DPP10: variants seen among roughly 807,000 people sequenced by gnomAD.
DPP10 encodes inactive dipeptidyl peptidase 10.
DPP10 carries 33 observed loss-of-function variants against 120.9 expected under a neutral mutation model. The observed-to-expected ratio is 0.27, with a 90% CI of 0.21 to 0.37. The LOEUF (loss-of-function observed/expected upper bound fraction) is 0.37. Ranked by LOEUF, DPP10 falls within the 10% of genes least tolerant of loss-of-function variation. The pLI is 1.00. For missense variants in DPP10, 816 were observed against 942.8 expected, an observed-to-expected ratio of 0.87 and a Z score of 1.76; for synonymous variants, 337 against 326.1, an observed-to-expected ratio of 1.03 and a Z score of -0.36.
intron 1 of DPP10, among the ~76,000 whole-genome samples, chr2:114,964,816 T>C (rs1050362687): frequency 2.9e-4 from 44 of 152,130 alleles, no homozygotes; most frequent in Admixed American, 3.9e-4. Context: ...GTTTGTTACA[T>C]TGAGAATAGA....
At chr2:115,495,992 A>G (rs1558756227) in intron 3 of DPP10, among the ~76,000 whole-genome samples, 1 of 152,144 alleles carries the variant, frequency 6.6e-6, no homozygotes, top group African/African-American at 2.4e-5. Context: ...CTCATATTTG[A>G]TTACTTAAAG....
chr2:115,688,692 T>C (rs62157937), intron 5 of DPP10, among the ~76,000 whole-genome samples: 11,788 of 152,246 alleles, frequency 0.077, 650 homozygotes, highest in Non-Finnish European at 0.11. Context: ...TATTCCACTA[T>C]TTCATCATCT....
chr2:115,495,703 G>A (rs2076359795), intron 3 of DPP10, among the ~76,000 whole-genome samples: 1 of 152,112 alleles, frequency 6.6e-6, no homozygotes, highest in South Asian at 2.1e-4. Context: ...AGTAATGATA[G>A]TTAGGGTTAC....
chr2:115,753,758 T>C (rs1006254331), intron 11 of DPP10, among the ~76,000 whole-genome samples: 3 of 152,196 alleles, frequency 2.0e-5, no homozygotes, highest in Non-Finnish European at 4.4e-5. Context: ...AATTGGTTCA[T>C]GAACTACTCT....
intron 1 of DPP10, among the ~76,000 whole-genome samples, chr2:114,809,618 A>C (rs1355772952): frequency 6.6e-6 from 1 of 152,118 alleles, no homozygotes; most frequent in Non-Finnish European, 1.5e-5. Context: ...GGAACTTCTG[A>C]GAGGAAGCCA....
intron 1 of DPP10, among the ~76,000 whole-genome samples, chr2:114,785,112 C>A (rs1052174111): frequency 2.0e-5 from 3 of 152,150 alleles, no homozygotes; most frequent in Non-Finnish European, 4.4e-5. Context: ...GAAGGATGTG[C>A]ACGGCTGAAC....
At chr2:114,755,619 T>C (rs1335051755) in intron 1 of DPP10, among the ~76,000 whole-genome samples, 1 of 152,164 alleles carries the variant, frequency 6.6e-6, no homozygotes, top group Non-Finnish European at 1.5e-5. Context: ...GTGTGTGTTT[T>C]GTGAGGTGTT....
chr2:114,952,336 C>T (rs1169387880), intron 1 of DPP10, among the ~76,000 whole-genome samples: 4 of 152,092 alleles, frequency 2.6e-5, no homozygotes, highest in African/African-American at 9.7e-5. Context: ...TTCAACAATG[C>T]TTTCCCATGC....
intron 10 of DPP10, among the ~76,000 whole-genome samples, chr2:115,752,892 G>A (rs1678928900): frequency 6.6e-6 from 1 of 151,904 alleles, no homozygotes; most frequent in Non-Finnish European, 1.5e-5. Flanking sequence ...ACTTTTCTGG[G>A]AAATAATTCA....
chr2:115,373,169 A>C lies in DPP10; in HGVS notation c.271+29257A>C, dbSNP rs961304706. Among the ~76,000 whole-genome samples, 6 of 152,202 alleles carry C rather than the reference A, an allele frequency of 3.9e-5. No individual in the cohort carries two copies. The East Asian group carries it at 1.2e-3, about 29-fold the overall frequency. ...AAGTAGAAGCAATAGCTCTTTAGTA[A>C]ATATGCATTCAGTGCTTGTCTCTTA... On this transcript the variant is annotated intron_variant, in intron 3 of 25. Coordinates refer to ENST00000410059, the MANE Select transcript of DPP10 (RefSeq NM_020868.6).
At chr2:114,527,236 C>T (rs1011505970) in intron 1 of DPP10, among the ~76,000 whole-genome samples, 1 of 152,170 alleles carries the variant, frequency 6.6e-6, no homozygotes, top group Non-Finnish European at 1.5e-5. Context: ...CCTGCATACA[C>T]TTCTTTTCAA....
intron 5 of DPP10, among the ~76,000 whole-genome samples, chr2:115,624,100 T>C (rs2149292533): frequency 6.6e-6 from 1 of 152,240 alleles, no homozygotes; most frequent in Non-Finnish European, 1.5e-5. Flanking sequence ...TGGATTCCTG[T>C]CTTTCATATT....
intron 3 of DPP10, among the ~76,000 whole-genome samples, chr2:115,495,317 A>G: frequency 7.5e-6 from 1 of 132,790 alleles, no homozygotes. Flanking sequence ...CCATTTACCC[A>G]GTTTTAGGAG....
intron 1 of DPP10, among the ~76,000 whole-genome samples, chr2:114,766,889 A>G (rs1185664912): frequency 1.3e-5 from 2 of 152,018 alleles, no homozygotes; most frequent in Non-Finnish European, 2.9e-5. Flanking sequence ...CTGAAACTGC[A>G]TAGCACCACA....
At position 115,719,620 on chromosome 2, in the gene DPP10, A is replaced by G. The variant is rs550760484; in HGVS notation, c.577-8196A>G. On this transcript the variant is annotated intron_variant, in intron 7 of 25. Transcript: ENST00000410059. ...ACTGGACACACAGAATTTATTGTAT[A>G]CTGACAAATTATGGAAACAGAATTT... is the stretch of plus-strand genomic sequence containing the variant. Among the ~76,000 whole-genome samples, 23 of 152,322 alleles carry G rather than the reference A, an allele frequency of 1.5e-4. 1 individual carries two copies. The South Asian group carries it at 4.1e-3, about 27-fold the overall frequency.
intron 3 of DPP10, among the ~76,000 whole-genome samples, chr2:115,372,670 C>T (rs1396169157): frequency 6.6e-6 from 1 of 152,154 alleles, no homozygotes; most frequent in African/African-American, 2.4e-5. Context: ...TCTTAATGAA[C>T]CTGGATCAGA....
intron 1 of DPP10, among the ~76,000 whole-genome samples, chr2:114,521,983 A>ATT (rs35338330): frequency 1.1e-5 from 1 of 88,992 alleles, no homozygotes; most frequent in African/African-American, 5.2e-5. Flanking sequence ...AATTTTTTGT[A>ATT]TTTTTTTTTT....
chr2:115,347,530 C>T (rs1355436289), intron 3 of DPP10, among the ~76,000 whole-genome samples: 4 of 152,016 alleles, frequency 2.6e-5, no homozygotes, highest in African/African-American at 4.8e-5. Flanking sequence ...AAGTGCAGAA[C>T]ATGCAGGTTT....
intron 1 of DPP10, among the ~76,000 whole-genome samples, chr2:114,762,036 A>G (rs1001306508): frequency 1.3e-5 from 2 of 151,438 alleles, no homozygotes; most frequent in Non-Finnish European, 2.9e-5. Flanking sequence ...TTGAAGATTC[A>G]CTCTCCCCCG....
Sources: allele counts gnomAD v4.1 joint callset (sites outside exome capture counted in the v4.1 genomes callset), GRCh38; gene constraint gnomAD v4.1.1; transcripts MANE v1.5; gene names NCBI Gene and HGNC (gene_info 2026-07-23, HGNC 2026-07-21).